The following MNS1 variants were observed in gnomAD, a reference collection of about 807,000 sequenced individuals.
MNS1 encodes the protein meiosis-specific nuclear structural protein 1.
In MNS1, 63 loss-of-function variants were observed where a neutral mutation model predicts 72.0. The observed-to-expected ratio is 0.87, with a 90% CI of 0.71 to 1.08. The LOEUF is 1.08. Among genes scored for constraint, MNS1 ranks in the 50% least tolerant of loss-of-function variants. The pLI, the probability that MNS1 is intolerant of heterozygous loss-of-function variation, is 0.00. For missense variants in MNS1, 604 were observed against 562.4 expected (o/e 1.07, Z -0.75); for synonymous variants, 188 against 172.1 (o/e 1.09, Z -0.72).
intron 7 of MNS1, among the ~76,000 whole-genome samples, chr15:56,438,955 G>C (rs2050774709): frequency 6.6e-6 from 1 of 151,952 alleles, no homozygotes; most frequent in Non-Finnish European, 1.5e-5. Context: ...GGAAATTTTA[G>C]CCAGCATGTA....
chr15:56,455,262 A>C (rs972993322), intron 3 of MNS1, among the ~76,000 whole-genome samples: 28 of 151,536 alleles, frequency 1.8e-4, no homozygotes, highest in African/African-American at 2.9e-4. Flanking sequence ...AAAAAAAAAA[A>C]AAAAAAAAAC....
At chr15:56,441,132 T>C (rs1233137925) in intron 7 of MNS1, among the ~76,000 whole-genome samples, 1 of 152,194 alleles carries the variant, frequency 6.6e-6, no homozygotes, top group Non-Finnish European at 1.5e-5. Flanking sequence ...ATATTATTTA[T>C]TCCCCTTTTC....
chr15:56,464,948 T>G, intron 1 of MNS1, 22 bp downstream of exon 1: 1 of 1,611,336 alleles, frequency 6.2e-7, no homozygotes, highest in Non-Finnish European at 8.5e-7. Flanking sequence ...ACAAGTAGTT[T>G]CAAGTCCCCC....
intron 4 of MNS1, among the ~76,000 whole-genome samples, chr15:56,446,538 TATC>T (rs1251149411): frequency 2.6e-5 from 4 of 152,020 alleles, no homozygotes; most frequent in Admixed American, 1.3e-4. Context: ...AAAATACACT[TATC>T]ATGGTAACAA....
chr15:56,465,058 G>A lies in MNS1; in HGVS notation c.-86C>T. ...GCAGCAGCCAGCAGCCCCAAGGAGC[G>A]CACCTGGCTGCGCGCGCTCGGGTGT... On this transcript the variant is annotated 5_prime_UTR_variant, in exon 1 of 10. Transcript: ENST00000260453. The A allele has an allele frequency of 2.6e-6, 4 of 1,546,266 alleles. No homozygotes were observed. Among genetic ancestry groups the A allele is most frequent in the Non-Finnish European group, 3.5e-6 (4 of 1,144,980 alleles).
Position 56,460,009 on chromosome 15 carries a change from A to AAAAATATATATATATATATATATATATAT in MNS1, c.226-3489_226-3488insATATATATATATATATATATATATATTTT. On this transcript the variant is annotated intron_variant, in intron 2 of 9. Transcript: ENST00000260453. ...CTGTCTCAAAAAAAAAAAAAAAAAA[A>AAAAATATATATATATATATATATATATAT]ATACATATATATATATATATATATA... Among the ~76,000 whole-genome samples, 5 of 26,386 alleles carry AAAAATATATATATATATATATATATATAT rather than the reference A, an allele frequency of 1.9e-4. 1 individual carries two copies. Among genetic ancestry groups the AAAAATATATATATATATATATATATATAT allele is most frequent in the African/African-American group, 4.5e-4 (3 of 6,654 alleles). 17.3% of individuals were successfully genotyped at this position (26,386 alleles called of 152,430 possible).
At chr15:56,455,544 A>G (rs1271778170) in intron 3 of MNS1, among the ~76,000 whole-genome samples, 1 of 152,174 alleles carries the variant, frequency 6.6e-6, no homozygotes, top group Non-Finnish European at 1.5e-5. Flanking sequence ...AAAATGTAAC[A>G]ACTATCGAAG....
chr15:56,452,333 C>T (rs1347274244), intron 3 of MNS1, among the ~76,000 whole-genome samples: 6 of 152,062 alleles, frequency 3.9e-5, no homozygotes, highest in Non-Finnish European at 5.9e-5. Flanking sequence ...CGCTTAATTC[C>T]CCGAGCAATG....
intron 9 of MNS1, 144 bp from the exon 10 acceptor site, chr15:56,429,337 CAATACTTTTCAAAAAATAA>C (rs2050490478): frequency 3.5e-6 from 2 of 578,226 alleles, no homozygotes; most frequent in South Asian, 4.8e-5. Context: ...TTAAAAAAAT[CAATACTTTTCAAAAAATAA>C]GACTTTACAT....
Position 56,443,551 on chromosome 15 carries a change from T to TA in MNS1, c.904-15dup, listed in dbSNP as rs2050854741. ...TTTCTGTGTCAACTATTAAATTTTT[T>TA]AAAAAACATAAATATTTATAGGATC... On this transcript the variant is annotated splice_polypyrimidine_tract_variant and intron_variant, in intron 6 of 9. Transcript: ENST00000260453. The TA allele has an allele frequency of 1.3e-6, 2 of 1,572,314 alleles. No individual in the cohort carries two copies. The highest frequency in any genetic ancestry group is 1.2e-5 in the South Asian group (1 of 83,108).
intron 3 of MNS1, among the ~76,000 whole-genome samples, chr15:56,450,909 A>T (rs2050942893): frequency 6.6e-6 from 1 of 152,038 alleles, no homozygotes. Context: ...ATTTTCCACT[A>T]CTTTTATTAA....
chr15:56,444,338 T>G (rs963551870), intron 5 of MNS1, 106 bp downstream of exon 5: 14 of 871,388 alleles, frequency 1.6e-5, no homozygotes, highest in Non-Finnish European at 2.2e-5. Context: ...TATTGAGCAC[T>G]TACTATGTAT....
intron 2 of MNS1, among the ~76,000 whole-genome samples, chr15:56,460,009 A>AAAAAAATATATATAT: frequency 2.7e-4 from 7 of 26,400 alleles, no homozygotes; most frequent in Admixed American, 5.6e-4. Flanking sequence ...AAAAAAAAAA[A>AAAAAAATATATATAT]ATACATATAT....
chr15:56,432,850 G>C (rs894226223), intron 8 of MNS1, among the ~76,000 whole-genome samples: 1 of 152,072 alleles, frequency 6.6e-6, no homozygotes, highest in Non-Finnish European at 1.5e-5. Flanking sequence ...CTCCTACTTT[G>C]TATAGTTTTA....
At chr15:56,436,497 A>G (rs1049657239) in intron 7 of MNS1, among the ~76,000 whole-genome samples, 2 of 152,092 alleles carry the variant, frequency 1.3e-5, no homozygotes, top group South Asian at 2.1e-4. Context: ...GCCCACAAGA[A>G]AAATCAGGAA....
intron 2 of MNS1, among the ~76,000 whole-genome samples, chr15:56,460,316 T>A (rs2051012462): frequency 6.6e-6 from 1 of 151,728 alleles, no homozygotes; most frequent in African/African-American, 2.4e-5. Flanking sequence ...AGAACAAGAA[T>A]AAGGAAGATT....
chr15:56,443,520 T>C lies in MNS1; in HGVS notation c.921A>G (p.Glu307=). 1 of 1,595,482 alleles carries C rather than the reference T, an allele frequency of 6.3e-7. No individual in the cohort carries two copies. Among genetic ancestry groups the C allele is most frequent in the Non-Finnish European group, 8.5e-7 (1 of 1,174,802 alleles). The change falls in exon 7 of 10, where the codon GAA becomes GAG. Residue 307 remains glutamate, a synonymous_variant. Coordinates refer to ENST00000260453, the MANE Select transcript of MNS1 (RefSeq NM_018365.4). ...QLQNALTQKL[E]EMLRQREDLE... ...AATCTTCACGTTGCCGCAGCATTTC[T>C]TCTAATTTCTGTGTCAACTATTAAA... is the stretch of plus-strand genomic sequence containing the variant.
chr15:56,463,412 G>A (rs2051035376), intron 2 of MNS1, among the ~76,000 whole-genome samples: 1 of 152,072 alleles, frequency 6.6e-6, no homozygotes, highest in Non-Finnish European at 1.5e-5. Flanking sequence ...CAAGAGTCTT[G>A]CATGTATTAA....
intron 2 of MNS1, among the ~76,000 whole-genome samples, chr15:56,462,460 G>A (rs895211200): frequency 3.9e-5 from 6 of 152,088 alleles, no homozygotes; most frequent in Non-Finnish European, 7.4e-5. Flanking sequence ...AAGGTGGACC[G>A]CAATCTAATT....
Sources: gnomAD v4.1 joint callset for allele counts (sites outside exome capture counted in the v4.1 genomes callset) on GRCh38, gnomAD v4.1.1 for gene constraint, MANE v1.5 for transcripts, NCBI Gene and HGNC (gene_info 2026-07-23, HGNC 2026-07-21) for gene names.